Variants in MAN2B2 observed in about 807,000 individuals in gnomAD.
MAN2B2 encodes epididymis-specific alpha-mannosidase.
Under a neutral mutation model 117.1 loss-of-function variants are expected in MAN2B2, and 106 were observed. The observed-to-expected ratio is 0.90, with a 90% CI of 0.77 to 1.06. The LOEUF (loss-of-function observed/expected upper bound fraction) is 1.06. Ranked by LOEUF, MAN2B2 falls within the 50% of genes least tolerant of loss-of-function variation. The probability of loss-of-function intolerance (pLI) is 0.00; values close to 1 mark genes in which losing one functional copy is unlikely to be tolerated. For missense variants in MAN2B2, 1,326 were observed against 1,381.4 expected, an observed-to-expected ratio of 0.96 and a Z score of 0.64; for synonymous variants, 544 against 595.1, an observed-to-expected ratio of 0.91 and a Z score of 1.25.
chr4:6,594,862 G>A (rs1346452465), intron 7 of MAN2B2, 130 bp downstream of exon 7: 2 of 952,090 alleles, frequency 2.1e-6, no homozygotes, highest in African/African-American at 1.6e-5. Context: ...CAGGTTCTGT[G>A]TGGGGCGCAG....
chr4:6,588,368 C>A (rs1726724659), intron 4 of MAN2B2, among the ~76,000 whole-genome samples: 1 of 152,170 alleles, frequency 6.6e-6, no homozygotes, highest in African/African-American at 2.4e-5. Flanking sequence ...TGAGGACACC[C>A]ATCCTATTGT....
At chr4:6,590,797 C>T (rs1344566780) in intron 5 of MAN2B2, among the ~76,000 whole-genome samples, 3 of 152,340 alleles carry the variant, frequency 2.0e-5, no homozygotes, top group East Asian at 3.9e-4. Flanking sequence ...CACAAGGCTT[C>T]GTCCCCACCC....
intron 11 of MAN2B2, among the ~76,000 whole-genome samples, chr4:6,605,970 G>A (rs1242227578): frequency 6.6e-6 from 1 of 152,210 alleles, no homozygotes; most frequent in South Asian, 2.1e-4. Context: ...GTGGACATCA[G>A]AGTGGGCAGC....
Position 6,598,198 on chromosome 4 carries a change from G to A in MAN2B2, c.1249G>A (p.Val417Ile). ...TCCTCCCCTCTGGGGGTTGCTGCAG[G>A]TCCAGCACCATGATGCCATCACTGG... is the stretch of plus-strand genomic sequence containing the variant. Reference protein sequence around the residue: ...LQQLRWAVSEVQHHDAITGTE... With the variant: ...LQQLRWAVSEIQHHDAITGTE... The change falls in exon 9 of 19, where the codon GTC becomes ATC. Residue 417 changes from valine (V) to isoleucine (I), a missense_variant and splice_region_variant. By Grantham distance (29) the Val-to-Ile change is conservative. Transcript: ENST00000285599. The A allele has an allele frequency of 6.2e-7, 1 of 1,613,238 alleles. No homozygotes were observed. The highest frequency in any genetic ancestry group is 8.5e-7 in the Non-Finnish European group (1 of 1,179,706).
intron 9 of MAN2B2, among the ~76,000 whole-genome samples, chr4:6,599,580 G>A (rs1272687390): frequency 6.6e-6 from 1 of 151,554 alleles, no homozygotes; most frequent in East Asian, 2.0e-4. Flanking sequence ...GGAGAATGGC[G>A]TGAACCCAGG....
chr4:6,596,262 T>C (rs1727082292), intron 7 of MAN2B2, among the ~76,000 whole-genome samples: 1 of 151,546 alleles, frequency 6.6e-6, no homozygotes, highest in African/African-American at 2.4e-5. Flanking sequence ...CCTGCCAGAC[T>C]GAATGGAATC....
intron 3 of MAN2B2, among the ~76,000 whole-genome samples, chr4:6,582,583 G>T (rs868077180): frequency 1.3e-5 from 2 of 151,388 alleles, no homozygotes; most frequent in Non-Finnish European, 2.9e-5. Flanking sequence ...CAAGTGATCC[G>T]CCCACCTTGG....
intron 5 of MAN2B2, among the ~76,000 whole-genome samples, chr4:6,592,054 G>A (rs543899989): frequency 2.6e-4 from 39 of 152,342 alleles, no homozygotes; most frequent in African/African-American, 7.7e-4. Flanking sequence ...CAGCCTCCAC[G>A]TGGTGGCAGC....
In MAN2B2 at chr4:6,596,128, GTCCAGGTGGGCGTGGTA is replaced by G. The variant is rs1373047960; in HGVS notation, c.1058-961_1058-945del. Among the ~76,000 whole-genome samples, 1,047 of 151,378 alleles carry G rather than the reference GTCCAGGTGGGCGTGGTA, an allele frequency of 6.9e-3. 9 individuals carry two copies. Among genetic ancestry groups the G allele is most frequent in the African/African-American group, 0.013 (527 of 41,102 alleles). On this transcript the variant is annotated intron_variant, in intron 7 of 18. Transcript: ENST00000285599. ...GTGGCTCTGTCCAGGTGGGCGTGGT[GTCCAGGTGGGCGTGGTA>G]TCCAGGTGGGCGTGGTATCCAGGCG...
chr4:6,587,304 G>C, intron 4 of MAN2B2, 136 bp downstream of exon 4: 1 of 1,089,016 alleles, frequency 9.2e-7, no homozygotes, highest in Non-Finnish European at 1.3e-6. Context: ...CCGCGGGGCT[G>C]TCCCCTAACC....
chr4:6,589,091 A>G lies in MAN2B2; in HGVS notation c.611A>G (p.Gln204Arg). Residue 204 changes from glutamine to arginine, a missense_variant, in exon 5 of 19, where the codon CAG becomes CGG. By Grantham distance (43) the Gln-to-Arg change is conservative. Transcript: ENST00000285599. ...WRGSPSLSER[Q>R]EIFTHIMDQY... ...GGGTCCCCATCCCTCTCAGAGCGGCAGGAAATCTTCACGCACATCATGGAC... is the reference window on the plus strand; with the variant it reads ...GGGTCCCCATCCCTCTCAGAGCGGCGGGAAATCTTCACGCACATCATGGAC... 1.9e-6 allele frequency: 3 copies of G among 1,614,180 alleles called. No homozygotes were observed. The highest frequency in any genetic ancestry group is 2.5e-6 in the Non-Finnish European group (3 of 1,180,034).
chr4:6,596,487 A>C lies in MAN2B2; in HGVS notation c.1058-626A>C, dbSNP rs894886292. Among the ~76,000 whole-genome samples the C allele has an allele frequency of 5.9e-5, 9 of 152,242 alleles. No homozygotes were observed. The East Asian group carries it at 7.7e-4, about 13-fold the overall frequency. On this transcript the variant is annotated intron_variant, in intron 7 of 18. Transcript: ENST00000285599. ...AATAGGAAGCTCCCTTCTGAGACAGACAGCCACTCCCTGGGAGGGTTCAGC... is the reference window on the plus strand; with the variant it reads ...AATAGGAAGCTCCCTTCTGAGACAGCCAGCCACTCCCTGGGAGGGTTCAGC...
At chr4:6,595,109 G>T (rs548917966) in intron 7 of MAN2B2, among the ~76,000 whole-genome samples, 5 of 152,164 alleles carry the variant, frequency 3.3e-5, no homozygotes, top group Non-Finnish European at 7.3e-5. Flanking sequence ...GCTGACTCGG[G>T]CTTCCTTTCA....
Position 6,609,099 on chromosome 4 carries a change from C to A in MAN2B2, c.1815-8C>A. The A allele has an allele frequency of 6.2e-7, 1 of 1,610,806 alleles. No individual in the cohort carries two copies. The highest frequency in any genetic ancestry group is 1.1e-5 in the South Asian group (1 of 90,696). On this transcript the variant is annotated splice_polypyrimidine_tract_variant and splice_region_variant and intron_variant, in intron 11 of 18. Transcript: ENST00000285599. ...GAGAATGACATCTTCTCTCTCCTGCCTCTGCAGACAGAGTAACCGAACGGT... is the reference window on the plus strand; with the variant it reads ...GAGAATGACATCTTCTCTCTCCTGCATCTGCAGACAGAGTAACCGAACGGT...
intron 1 of MAN2B2, among the ~76,000 whole-genome samples, chr4:6,576,201 C>T (rs1252223869): frequency 6.6e-6 from 1 of 152,188 alleles, no homozygotes; most frequent in Non-Finnish European, 1.5e-5. Flanking sequence ...CTGGACCACA[C>T]CCCGACTGAG....
chr4:6,584,747 T>G (rs537027247), intron 3 of MAN2B2, among the ~76,000 whole-genome samples: 1 of 152,330 alleles, frequency 6.6e-6, no homozygotes, highest in South Asian at 2.1e-4. Context: ...AGTTCATTAC[T>G]TAACAATGCC....
intron 1 of MAN2B2, 83 bp from the exon 2 acceptor site, chr4:6,576,495 A>G: frequency 6.5e-7 from 1 of 1,534,350 alleles, no homozygotes; most frequent in African/African-American, 1.4e-5. Flanking sequence ...AACCCCATGC[A>G]GACACACCTG....
chr4:6,587,760 T>G (rs146407772), intron 4 of MAN2B2, among the ~76,000 whole-genome samples: 5 of 77,108 alleles, frequency 6.5e-5, no homozygotes, highest in Non-Finnish European at 1.7e-4. Flanking sequence ...GTTTTTTTTT[T>G]TTTTTTTTTT....
Position 6,608,040 on chromosome 4 carries a change from G to C in MAN2B2, c.1815-1067G>C, listed in dbSNP as rs546389497. Among the ~76,000 whole-genome samples the C allele has an allele frequency of 9.8e-5, 15 of 152,338 alleles. No individual in the cohort carries two copies. The East Asian group carries it at 2.3e-3, about 23-fold the overall frequency. On this transcript the variant is annotated intron_variant, in intron 11 of 18. Transcript: ENST00000285599. ...GTCACTAGCATATCTTCTGTGGTGAGATGTGTCTTTAGATCCTTTACCTAT... is the reference window on the plus strand; with the variant it reads ...GTCACTAGCATATCTTCTGTGGTGACATGTGTCTTTAGATCCTTTACCTAT...
Sources: allele counts gnomAD v4.1 joint callset (sites outside exome capture counted in the v4.1 genomes callset), GRCh38; gene constraint gnomAD v4.1.1; transcripts MANE v1.5; gene names NCBI Gene and HGNC (gene_info 2026-07-23, HGNC 2026-07-21).